The following CENPP variants were observed in gnomAD, a reference collection of about 807,000 sequenced individuals.
CENPP encodes centromere protein P.
In CENPP, 24 loss-of-function variants were observed where a neutral mutation model predicts 35.6. The observed-to-expected ratio is 0.67, with a 90% CI of 0.49 to 0.95. The LOEUF (loss-of-function observed/expected upper bound fraction) is 0.95. Among genes scored for constraint, CENPP ranks in the 40% least tolerant of loss-of-function variants. CENPP has a pLI of 0.00. For synonymous variants in CENPP, 120 were observed against 125.5 expected (o/e 0.96, Z 0.29); for missense variants, 332 against 345.3 (o/e 0.96, Z 0.31).
intron 5 of CENPP, among the ~76,000 whole-genome samples, chr9:92,570,269 T>A (rs973779734): frequency 2.0e-5 from 3 of 152,208 alleles, no homozygotes; most frequent in Admixed American, 6.5e-5. Flanking sequence ...CCTAGTCTAT[T>A]GAGAGTTTTT....
chr9:92,596,913 C>T (rs1041215031), intron 5 of CENPP, among the ~76,000 whole-genome samples: 1 of 151,966 alleles, frequency 6.6e-6, no homozygotes, highest in Non-Finnish European at 1.5e-5. Context: ...ATATTCATGT[C>T]TAGCACTAGA....
At chr9:92,411,845 T>C (rs1843452581) in intron 5 of CENPP, among the ~76,000 whole-genome samples, 1 of 152,152 alleles carries the variant, frequency 6.6e-6, no homozygotes, top group Admixed American at 6.5e-5. Flanking sequence ...CATTAACTTT[T>C]TCCTGGGAGC....
chr9:92,424,027 T>C (rs1843893534), intron 5 of CENPP, among the ~76,000 whole-genome samples: 1 of 152,202 alleles, frequency 6.6e-6, no homozygotes, highest in African/African-American at 2.4e-5. Flanking sequence ...CTACTTTATT[T>C]GAACATTTTG....
intron 5 of CENPP, among the ~76,000 whole-genome samples, chr9:92,573,928 G>A (rs758218809): frequency 2.5e-4 from 38 of 152,282 alleles, no homozygotes; most frequent in South Asian, 6.2e-4. Flanking sequence ...CTGGTGTGCC[G>A]TTTGCTAAGA....
intron 3 of CENPP, among the ~76,000 whole-genome samples, chr9:92,338,698 A>C (rs1327509270): frequency 1.3e-5 from 2 of 151,868 alleles, no homozygotes; most frequent in Admixed American, 1.3e-4. Flanking sequence ...TATATTTATT[A>C]ATTATCTCAC....
At chr9:92,483,420 G>A (rs1845975037) in intron 5 of CENPP, among the ~76,000 whole-genome samples, 1 of 152,134 alleles carries the variant, frequency 6.6e-6, no homozygotes, top group African/African-American at 2.4e-5. Context: ...AATAGAGACA[G>A]TGTTTCATTG....
At chr9:92,417,245 G>A (rs150703454) in intron 5 of CENPP, 33 of 1,613,896 alleles carry the variant, frequency 2.0e-5, no homozygotes, top group Admixed American at 3.3e-5. Flanking sequence ...TGCAGTCACA[G>A]CCTCAATTTC....
At chr9:92,586,447 C>G (rs989587838) in intron 5 of CENPP, among the ~76,000 whole-genome samples, 2 of 152,048 alleles carry the variant, frequency 1.3e-5, no homozygotes, top group African/African-American at 4.8e-5. Context: ...AAGGAGGAGG[C>G]TGGGGGAAGT....
At position 92,552,190 on chromosome 9, in the gene CENPP, TACAC is replaced by T. The variant is rs59704602; in HGVS notation, c.565-59101_565-59098del. Among the ~76,000 whole-genome samples the T allele has an allele frequency of 4.1e-3, 434 of 106,440 alleles. 12 individuals carry two copies. The highest frequency in any genetic ancestry group is 0.014 in the African/African-American group (356 of 25,356). 69.8% of individuals were successfully genotyped at this position (106,440 alleles called of 152,430 possible). A position where few individuals can be genotyped will look rare whatever the true frequency, so the allele number is the denominator to read the frequency against. ...TATGTGATATGATAGATCTATCATA[TACAC>T]ACACACACACACACACACACACCCC... On this transcript the variant is annotated intron_variant, in intron 5 of 7. Coordinates refer to ENST00000375587, the MANE Select transcript of CENPP (RefSeq NM_001012267.3).
intron 4 of CENPP, among the ~76,000 whole-genome samples, chr9:92,348,699 A>G (rs1208665932): frequency 1.3e-5 from 2 of 151,908 alleles, no homozygotes; most frequent in East Asian, 3.9e-4. Flanking sequence ...ACCCTTTAAC[A>G]TTTCTTACTG....
chr9:92,505,841 C>A, intron 5 of CENPP: 1 of 631,244 alleles, frequency 1.6e-6, no homozygotes, highest in Non-Finnish European at 2.7e-6. Flanking sequence ...AAAACCTTTT[C>A]TTAAGTACTT....
At chr9:92,330,171 C>G (rs983336867) in intron 1 of CENPP, among the ~76,000 whole-genome samples, 1 of 152,004 alleles carries the variant, frequency 6.6e-6, no homozygotes, top group Non-Finnish European at 1.5e-5. Context: ...AGATGTCAGG[C>G]AAGTGAAGGA....
intron 5 of CENPP, among the ~76,000 whole-genome samples, chr9:92,545,140 T>C (rs1849404436): frequency 6.6e-6 from 1 of 152,210 alleles, no homozygotes; most frequent in African/African-American, 2.4e-5. Flanking sequence ...GCGCCCACTC[T>C]GGCCGTGCTT....
chr9:92,337,748 C>G (rs968148187), intron 3 of CENPP, 119 bp downstream of exon 3: 2 of 721,464 alleles, frequency 2.8e-6, no homozygotes, highest in East Asian at 5.0e-5. Flanking sequence ...AGGGCCCCCC[C>G]ATTCATAGCA....
intron 5 of CENPP, among the ~76,000 whole-genome samples, chr9:92,532,015 G>GTTTTTTTTGTTTTTTTTTT (rs1563990161): frequency 1.0e-5 from 1 of 95,736 alleles, no homozygotes; most frequent in Non-Finnish European, 1.9e-5. Context: ...TTTATTTAAT[G>GTTTTTTTTGTTTTTTTTTT]TTTTTTTTTT....
chr9:92,601,926 CCTAG>C (rs1250989257), intron 5 of CENPP, among the ~76,000 whole-genome samples: 1 of 152,224 alleles, frequency 6.6e-6, no homozygotes, highest in Non-Finnish European at 1.5e-5. Context: ...GTGTGTCCTT[CCTAG>C]CTCTTTCCAC....
At chr9:92,568,238 C>T (rs144450445) in intron 5 of CENPP, among the ~76,000 whole-genome samples, 132 of 152,180 alleles carry the variant, frequency 8.7e-4, no homozygotes, top group Admixed American at 3.0e-3. Context: ...TTCCCCCTTC[C>T]CCCCACCGCA....
Position 92,619,256 on chromosome 9 carries a change from A to G in CENPP, c.*6107A>G, listed in dbSNP as rs1264659022. On this transcript the variant is annotated 3_prime_UTR_variant, in exon 8 of 8. Transcript: ENST00000375587. ...CTTAGAAAACAGTAACTTTCAATGT[A>G]CTAACAATCCTTTTAAGTTATTCTC... is the stretch of plus-strand genomic sequence containing the variant. The G allele has an allele frequency of 5.8e-6, 3 of 518,136 alleles. No individual in the cohort carries two copies. Among genetic ancestry groups the G allele is most frequent in the Admixed American group, 3.1e-5 (1 of 32,408 alleles). 32.1% of individuals were successfully genotyped at this position (518,136 alleles called of 1,614,324 possible).
intron 5 of CENPP, among the ~76,000 whole-genome samples, chr9:92,609,273 A>G (rs1221781284): frequency 2.6e-5 from 4 of 152,212 alleles, no homozygotes; most frequent in Non-Finnish European, 5.9e-5. Flanking sequence ...GGCCTCCCAC[A>G]CTGGCAAGAG....
Sources: allele counts gnomAD v4.1 joint callset (sites outside exome capture counted in the v4.1 genomes callset), GRCh38; gene constraint gnomAD v4.1.1; transcripts MANE v1.5; gene names NCBI Gene and HGNC (gene_info 2026-07-23, HGNC 2026-07-21).